RAP1GDS1: variants seen among roughly 807,000 people sequenced by gnomAD.
RAP1GDS1 encodes Rap1 GTPase-GDP dissociation stimulator 1.
A neutral mutation model predicts 71.1 loss-of-function variants in RAP1GDS1; 35 were observed. The observed-to-expected ratio is 0.49, with a 90% CI of 0.38 to 0.65. The LOEUF (loss-of-function observed/expected upper bound fraction) is 0.65. Ranked by LOEUF, RAP1GDS1 falls within the 30% of genes least tolerant of loss-of-function variation. RAP1GDS1 has a pLI of 0.00. For synonymous variants in RAP1GDS1, 229 were observed against 243.1 expected, an observed-to-expected ratio of 0.94 and a Z score of 0.54; for missense variants, 663 against 706.1, an observed-to-expected ratio of 0.94 and a Z score of 0.69.
At chr4:98,430,692 C>T (rs954119428) in intron 12 of RAP1GDS1, among the ~76,000 whole-genome samples, 13 of 152,120 alleles carry the variant, frequency 8.5e-5, no homozygotes, top group Admixed American at 2.0e-4. Context: ...TTACACTGGA[C>T]GTACTTTGGA....
chr4:98,392,008 C>T lies in RAP1GDS1; in HGVS notation c.565C>T (p.Leu189=). Residue 189 remains leucine (L), a synonymous_variant, in exon 6 of 15, where the codon CTG becomes TTG. Transcript: ENST00000408927. Reference sequence around the variant, plus strand: ...TGTTATTCCTACCTTAGTGAAATTACTGGGCATCCACTGCCAAAATGCAGC... The same window carrying T: ...TGTTATTCCTACCTTAGTGAAATTATTGGGCATCCACTGCCAAAATGCAGC... ...MGVIPTLVKL[L]GIHCQNAALT... 2 of 1,602,916 alleles carry T rather than the reference C, an allele frequency of 1.2e-6. No individual in the cohort carries two copies. The highest frequency in any genetic ancestry group is 2.2e-5 in the South Asian group (2 of 90,762).
chr4:98,271,163 T>A (rs1337021324), intron 1 of RAP1GDS1, among the ~76,000 whole-genome samples: 2 of 152,088 alleles, frequency 1.3e-5, no homozygotes, highest in Non-Finnish European at 1.5e-5. Context: ...CAACAGTACT[T>A]GTTAATTCCA....
chr4:98,432,923 G>A (rs1173465355), intron 12 of RAP1GDS1, among the ~76,000 whole-genome samples: 1 of 152,024 alleles, frequency 6.6e-6, no homozygotes, highest in African/African-American at 2.4e-5. Flanking sequence ...ACTTTTGCCA[G>A]ATGGTCTTAT....
intron 3 of RAP1GDS1, among the ~76,000 whole-genome samples, chr4:98,352,184 T>C (rs941588095): frequency 6.6e-6 from 1 of 152,106 alleles, no homozygotes; most frequent in African/African-American, 2.4e-5. Context: ...TACGAGAAGA[T>C]AGTGATAAAT....
intron 12 of RAP1GDS1, among the ~76,000 whole-genome samples, chr4:98,425,194 A>T (rs1012364606): frequency 6.6e-6 from 1 of 152,196 alleles, no homozygotes. Flanking sequence ...TACTGAGAGA[A>T]TTCACCACTA....
chr4:98,282,914 A>T (rs1193464770), intron 1 of RAP1GDS1, among the ~76,000 whole-genome samples: 1 of 152,046 alleles, frequency 6.6e-6, no homozygotes, highest in Non-Finnish European at 1.5e-5. Flanking sequence ...TTCAGTTTCC[A>T]TGTAGTTGTG....
intron 2 of RAP1GDS1, among the ~76,000 whole-genome samples, chr4:98,314,071 G>C (rs1402052471): frequency 6.6e-6 from 1 of 152,012 alleles, no homozygotes; most frequent in African/African-American, 2.4e-5. Flanking sequence ...CCTTTTCATT[G>C]TACTAAAGGA....
intron 2 of RAP1GDS1, among the ~76,000 whole-genome samples, chr4:98,310,480 A>G (rs555280591): frequency 6.6e-6 from 1 of 152,308 alleles, no homozygotes; most frequent in African/African-American, 2.4e-5. Flanking sequence ...AATGAAGGAC[A>G]AAAGGAAATG....
intron 2 of RAP1GDS1, among the ~76,000 whole-genome samples, chr4:98,337,808 A>G (rs1371038095): frequency 1.3e-5 from 2 of 152,170 alleles, no homozygotes; most frequent in African/African-American, 4.8e-5. Context: ...GATGATTAGT[A>G]TGGATTACTA....
At chr4:98,296,833 A>G (rs1446995036) in intron 2 of RAP1GDS1, 21 of 333,644 alleles carry the variant, frequency 6.3e-5, no homozygotes, top group Admixed American at 1.7e-4. Flanking sequence ...AAGAGAAACT[A>G]TTAGTTTAAA....
intron 1 of RAP1GDS1, among the ~76,000 whole-genome samples, chr4:98,286,322 G>C (rs1272043246): frequency 6.6e-6 from 1 of 151,698 alleles, no homozygotes; most frequent in Non-Finnish European, 1.5e-5. Context: ...TTGTAGGCCT[G>C]TCGCATCCAG....
In RAP1GDS1 at chr4:98,442,888, T is replaced by TA. The variant is rs1412431155; in HGVS notation, c.*772dup. 2.2e-5 allele frequency: 5 copies of TA among 231,926 alleles called. No homozygotes were observed. Among genetic ancestry groups the TA allele is most frequent in the African/African-American group, 6.6e-5 (3 of 45,406 alleles). 14.4% of individuals were successfully genotyped at this position (231,926 alleles called of 1,614,324 possible). A position where few individuals can be genotyped will look rare whatever the true frequency, so the allele number is the denominator to read the frequency against. On this transcript the variant is annotated 3_prime_UTR_variant, in exon 15 of 15. Transcript: ENST00000408927. ...TGCTTGTATTTTAGATTCTGATACA[T>TA]ACGCTGTTTCACTCAGGAACTACTT...
chr4:98,354,722 CATTTT>C (rs1737703240), intron 4 of RAP1GDS1, among the ~76,000 whole-genome samples: 1 of 151,866 alleles, frequency 6.6e-6, no homozygotes, highest in African/African-American at 2.4e-5. Flanking sequence ...TAATTTTTTT[CATTTT>C]ATTATGAATA....
chr4:98,281,923 G>A (rs146732101), intron 1 of RAP1GDS1, among the ~76,000 whole-genome samples: 15,876 of 152,110 alleles, frequency 0.1, 1,072 homozygotes, highest in Admixed American at 0.19. Context: ...ATTGATTTGC[G>A]TGTGTTGAAC....
intron 7 of RAP1GDS1, among the ~76,000 whole-genome samples, chr4:98,413,344 A>T (rs1457572980): frequency 6.6e-6 from 1 of 151,776 alleles, no homozygotes; most frequent in Non-Finnish European, 1.5e-5. Flanking sequence ...AGCATTAGGT[A>T]TATCTCCCAA....
At chr4:98,293,386 A>ATTTT in intron 1 of RAP1GDS1, 22 bp from the exon 2 acceptor site, 3 of 1,171,408 alleles carry the variant, frequency 2.6e-6, no homozygotes, top group Non-Finnish European at 3.5e-6. Flanking sequence ...TGAGTTTCTG[A>ATTTT]TTTTTTTTTT....
At chr4:98,416,505 C>G (rs1017528791) in intron 7 of RAP1GDS1, among the ~76,000 whole-genome samples, 1 of 151,548 alleles carries the variant, frequency 6.6e-6, no homozygotes, top group African/African-American at 2.4e-5. Context: ...TGCCACTGCA[C>G]CTGGCTAATT....
chr4:98,279,085 A>G (rs1560762003), intron 1 of RAP1GDS1, among the ~76,000 whole-genome samples: 1 of 152,032 alleles, frequency 6.6e-6, no homozygotes, highest in Non-Finnish European at 1.5e-5. Flanking sequence ...TTAGCTGGGC[A>G]TGGTGGTGGG....
At chr4:98,438,815 G>A (rs916786383) in intron 14 of RAP1GDS1, among the ~76,000 whole-genome samples, 9 of 151,660 alleles carry the variant, frequency 5.9e-5, no homozygotes, top group Non-Finnish European at 1.2e-4. Flanking sequence ...GGCTGATACT[G>A]AACTCCTGAC....
Sources: allele counts gnomAD v4.1 joint callset (sites outside exome capture counted in the v4.1 genomes callset), GRCh38; gene constraint gnomAD v4.1.1; transcripts MANE v1.5; gene names NCBI Gene and HGNC (gene_info 2026-07-23, HGNC 2026-07-21).